The following MTUS1 variants were observed in gnomAD, a reference collection of about 807,000 sequenced individuals.
The protein encoded by MTUS1 is microtubule-associated tumor suppressor 1.
MTUS1 carries 109 observed loss-of-function variants against 120.8 expected under a neutral mutation model. The ratio of observed to expected loss-of-function variants is 0.90; its 90% CI spans 0.77 to 1.06. The LOEUF (loss-of-function observed/expected upper bound fraction) is 1.06. MTUS1 is among the 50% of genes least tolerant of loss of function. The pLI, the probability that MTUS1 is intolerant of heterozygous loss-of-function variation, is 0.00. For synonymous variants in MTUS1, 737 were observed against 550.5 expected (o/e 1.34, Z -4.74); for missense variants, 2,210 against 1,486.3 (o/e 1.49, Z -8.01).
At chr8:17,763,505 G>C (rs2049208628) in intron 1 of MTUS1, among the ~76,000 whole-genome samples, 2 of 152,158 alleles carry the variant, frequency 1.3e-5, no homozygotes, top group African/African-American at 4.8e-5. Context: ...CCATCCAGGA[G>C]AAGTGAAGTG....
At chr8:17,793,958 G>C (rs73208640) in intron 1 of MTUS1, among the ~76,000 whole-genome samples, 8,141 of 152,262 alleles carry the variant, frequency 0.053, 303 homozygotes, top group Middle Eastern at 0.088. Context: ...CAAGAAAAGA[G>C]GTCAAATTCT....
intron 1 of MTUS1, among the ~76,000 whole-genome samples, chr8:17,768,867 C>A (rs1362758157): frequency 3.3e-5 from 5 of 152,030 alleles, no homozygotes; most frequent in African/African-American, 1.2e-4. Flanking sequence ...ATGTTTACAC[C>A]AATAAAGATT....
chr8:17,661,132 A>G (rs1043602071), intron 8 of MTUS1, among the ~76,000 whole-genome samples: 1 of 152,224 alleles, frequency 6.6e-6, no homozygotes, highest in African/African-American at 2.4e-5. Context: ...TCAAACGAGT[A>G]AACACTGCAT....
At chr8:17,751,112 T>G (rs1051548302) in intron 2 of MTUS1, among the ~76,000 whole-genome samples, 2 of 151,686 alleles carry the variant, frequency 1.3e-5, no homozygotes, top group African/African-American at 4.8e-5. Flanking sequence ...AGGTCAGGAG[T>G]TCGAGACCAG....
chr8:17,647,304 T>C (rs1417060828), intron 13 of MTUS1: 5 of 450,380 alleles, frequency 1.1e-5, no homozygotes, highest in Non-Finnish European at 7.9e-6. Flanking sequence ...ACTTAAATAT[T>C]GATACGAGTG....
At chr8:17,759,717 T>C (rs370501159) in intron 1 of MTUS1, among the ~76,000 whole-genome samples, 4 of 150,410 alleles carry the variant, frequency 2.7e-5, no homozygotes, top group Non-Finnish European at 4.4e-5. Context: ...GTGGTCAGCA[T>C]TGTCTCTGAA....
intron 3 of MTUS1, among the ~76,000 whole-genome samples, chr8:17,725,726 G>A (rs748019849): frequency 1.3e-5 from 2 of 152,080 alleles, no homozygotes; most frequent in Non-Finnish European, 2.9e-5. Flanking sequence ...AGCTTTGAAC[G>A]CTAACCCAAT....
intron 1 of MTUS1, among the ~76,000 whole-genome samples, chr8:17,798,421 C>T (rs899073708): frequency 2.6e-5 from 4 of 151,990 alleles, no homozygotes; most frequent in Non-Finnish European, 4.4e-5. Flanking sequence ...CAACCTCCAC[C>T]TCCCGGGTTC....
intron 6 of MTUS1, among the ~76,000 whole-genome samples, chr8:17,686,916 G>A (rs796942268): frequency 6.6e-6 from 1 of 152,116 alleles, no homozygotes; most frequent in South Asian, 2.1e-4. Context: ...AATATAAGAA[G>A]TAAATAAAAT....
chr8:17,762,162 C>G (rs545764475), intron 1 of MTUS1, among the ~76,000 whole-genome samples: 4 of 152,176 alleles, frequency 2.6e-5, no homozygotes, highest in African/African-American at 9.6e-5. Context: ...GCCTGTAATC[C>G]CACCTACTCA....
At chr8:17,749,323 T>G (rs534770294) in intron 2 of MTUS1, among the ~76,000 whole-genome samples, 2 of 152,188 alleles carry the variant, frequency 1.3e-5, no homozygotes, top group African/African-American at 2.4e-5. Context: ...CATTCCTTTT[T>G]GTTGATTCCA....
At chr8:17,673,004 G>A (rs1812331329) in intron 8 of MTUS1, among the ~76,000 whole-genome samples, 1 of 152,144 alleles carries the variant, frequency 6.6e-6, no homozygotes, top group Admixed American at 6.5e-5. Context: ...CCTTGTCTTC[G>A]GAGAGAGGCT....
Position 17,697,439 on chromosome 8 carries a change from G to A in MTUS1, c.2624-12897C>T. The A allele has an allele frequency of 1.9e-6, 3 of 1,590,318 alleles. No homozygotes were observed. The South Asian group carries it at 3.5e-5, about 18-fold the overall frequency. On this transcript the variant is annotated intron_variant, in intron 6 of 14. Transcript: ENST00000693296. ...CAATTTCCATGGACTGTCACATACT[G>A]TCTTTTTAAACTCAGTACTCTTCAA...
At chr8:17,730,232 C>T (rs1307147753) in intron 3 of MTUS1, among the ~76,000 whole-genome samples, 1 of 152,150 alleles carries the variant, frequency 6.6e-6, no homozygotes, top group Non-Finnish European at 1.5e-5. Context: ...AATCCCAGCA[C>T]TTTGGGAGGC....
intron 1 of MTUS1, among the ~76,000 whole-genome samples, chr8:17,797,626 G>T (rs903611347): frequency 4.6e-5 from 7 of 152,006 alleles, no homozygotes; most frequent in African/African-American, 1.7e-4. Context: ...CTTCTCAGGA[G>T]GCCACAGTCA....
At chr8:17,748,533 G>C (rs1230805297) in intron 2 of MTUS1, among the ~76,000 whole-genome samples, 1 of 152,160 alleles carries the variant, frequency 6.6e-6, no homozygotes, top group Non-Finnish European at 1.5e-5. Flanking sequence ...CTGAGCTGAT[G>C]ACACACCGGT....
At chr8:17,694,560 C>T (rs904868914) in intron 6 of MTUS1, among the ~76,000 whole-genome samples, 2 of 151,822 alleles carry the variant, frequency 1.3e-5, no homozygotes, top group South Asian at 2.1e-4. Flanking sequence ...CCCAGCTACT[C>T]GGGAGGCTGA....
intron 13 of MTUS1, among the ~76,000 whole-genome samples, chr8:17,648,582 C>A (rs984579680): frequency 2.6e-5 from 4 of 152,226 alleles, no homozygotes; most frequent in Non-Finnish European, 4.4e-5. Context: ...CCATTAACAA[C>A]CATGAGTTCC....
rs923284005 is a variant in MTUS1 at position 17,673,630 on chromosome 8, T to C, written c.2905+1556A>G. Among the ~76,000 whole-genome samples the C allele has an allele frequency of 6.6e-5, 10 of 152,256 alleles. No homozygotes were observed. In the East Asian group the frequency reaches 1.9e-3, roughly 30 times the overall value. On this transcript the variant is annotated intron_variant, in intron 8 of 14. Coordinates refer to ENST00000693296, the MANE Select transcript of MTUS1 (RefSeq NM_001363059.2). ...CCATGCTTGGCTGATTTTTAAATTA[T>C]TTTTTGTAGAGTCAGGGTCTTGCTA... is the stretch of plus-strand genomic sequence containing the variant.
Sources: allele counts gnomAD v4.1 joint callset (sites outside exome capture counted in the v4.1 genomes callset), GRCh38; gene constraint gnomAD v4.1.1; transcripts MANE v1.5; gene names NCBI Gene and HGNC (gene_info 2026-07-23, HGNC 2026-07-21).